Variants in C8orf74 observed in about 807,000 individuals in gnomAD.
C8orf74 encodes chromosome 8 open reading frame 74.
C8orf74 carries 29 observed loss-of-function variants against 22.2 expected under a neutral mutation model. The ratio of observed to expected loss-of-function variants is 1.31; its 90% CI spans 0.97 to 1.78. The LOEUF (loss-of-function observed/expected upper bound fraction) is 1.78, where lower values mean the gene tolerates loss of function less well. C8orf74 is among the 40% of genes most tolerant of loss of function. The probability of loss-of-function intolerance (pLI) is 0.00; values close to 1 mark genes in which losing one functional copy is unlikely to be tolerated. For synonymous variants in C8orf74, 255 were observed against 163.1 expected (o/e 1.56, Z -4.30); for missense variants, 515 against 369.9 (o/e 1.39, Z -3.22).
At chr8:10,678,048 A>T (rs1563155328) in intron 2 of C8orf74, among the ~76,000 whole-genome samples, 1 of 152,148 alleles carries the variant, frequency 6.6e-6, no homozygotes, top group African/African-American at 2.4e-5. Flanking sequence ...CTTTCGTATC[A>T]TCTGAAAGCG....
chr8:10,694,631 C>A (rs1216759252), intron 2 of C8orf74, among the ~76,000 whole-genome samples: 1 of 152,214 alleles, frequency 6.6e-6, no homozygotes, highest in Non-Finnish European at 1.5e-5. Context: ...AGATATTTAA[C>A]CTTTTATTTG....
Position 10,674,846 on chromosome 8 carries a change from G to A in C8orf74, c.241+8G>A, listed in dbSNP as rs191281265. 53 of 1,581,134 alleles carry A rather than the reference G, an allele frequency of 3.4e-5. No homozygotes were observed. The highest frequency in any genetic ancestry group is 2.2e-4 in the South Asian group (19 of 86,114). ...TGCTAAGGGAAACCAAAGGTATGGT[G>A]TGTCCAGGGCAGGAGTCAGCAGAGG... is the stretch of plus-strand genomic sequence containing the variant. On this transcript the variant is annotated splice_region_variant and intron_variant, in intron 2 of 3. Transcript: ENST00000304519.
chr8:10,677,301 T>G (rs1799053271), intron 2 of C8orf74, among the ~76,000 whole-genome samples: 1 of 152,200 alleles, frequency 6.6e-6, no homozygotes, highest in Non-Finnish European at 1.5e-5. Context: ...GTGTGGGCCC[T>G]GAGCATATTT....
rs1365523101 is a variant in C8orf74 at position 10,697,991 on chromosome 8, G to T, written c.634G>T (p.Val212Phe). 6.7e-7 allele frequency: 1 copy of T among 1,487,946 alleles called. No individual in the cohort carries two copies. Among genetic ancestry groups the T allele is most frequent in the East Asian group, 2.4e-5 (1 of 41,398 alleles). The allele number at this position is 1,487,946 out of a possible 1,614,324, so 92.2% of individuals were successfully genotyped here. The change falls in exon 3 of 4, where the codon GTC becomes TTC. Residue 212 changes from valine to phenylalanine, a missense_variant. Transcript: ENST00000304519. ...AAAAPAQPGQ[V>F]LERQELESLI... ...CGCCGCGCCTGCGCAGCCCGGCCAG[G>T]TCCTGGAGAGACAGGTGAGGCTCTG...
intron 2 of C8orf74, among the ~76,000 whole-genome samples, chr8:10,682,733 G>C (rs998341747): frequency 6.6e-6 from 1 of 152,180 alleles, no homozygotes; most frequent in Non-Finnish European, 1.5e-5. Context: ...GTAACACTGA[G>C]CAAGGCCACC....
chr8:10,694,917 C>CGGAT (rs1039042153), intron 2 of C8orf74, among the ~76,000 whole-genome samples: 2 of 150,444 alleles, frequency 1.3e-5, no homozygotes, highest in Non-Finnish European at 3.0e-5. Flanking sequence ...GATGGGTGGA[C>CGGAT]GGATGGATGG....
At chr8:10,679,444 C>G (rs1282665297) in intron 2 of C8orf74, among the ~76,000 whole-genome samples, 2 of 152,198 alleles carry the variant, frequency 1.3e-5, no homozygotes, top group Non-Finnish European at 2.9e-5. Context: ...CAGTTCTGCC[C>G]AACCCCAGCC....
rs1174023812 is a variant in C8orf74 at position 10,697,904 on chromosome 8, C to T, written c.547C>T (p.Leu183=). The T allele has an allele frequency of 6.2e-7, 1 of 1,607,334 alleles. No homozygotes were observed. Among genetic ancestry groups the T allele is most frequent in the Non-Finnish European group, 8.5e-7 (1 of 1,176,454 alleles). The change falls in exon 3 of 4, where the codon CTG becomes TTG. Residue 183 remains leucine (L), a synonymous_variant. Transcript: ENST00000304519. ...CGAGGCACAGAAGCGCGCCGACGTG[C>T]TGCTCCTGAAAGAGGCGCTGCGCCT... ...EAEAQKRADV[L]LLKEALRLER...
chr8:10,684,935 A>C (rs924763024), intron 2 of C8orf74, among the ~76,000 whole-genome samples: 3 of 152,150 alleles, frequency 2.0e-5, no homozygotes, highest in African/African-American at 7.2e-5. Context: ...GATAACGGAG[A>C]TAGCTCCTAA....
intron 2 of C8orf74, among the ~76,000 whole-genome samples, chr8:10,694,396 A>T (rs144647539): frequency 2.0e-5 from 3 of 152,150 alleles, no homozygotes; most frequent in Non-Finnish European, 4.4e-5. Context: ...GCCAAGGTTA[A>T]TGATGTACCT....
At chr8:10,694,774 G>A (rs1179492854) in intron 2 of C8orf74, among the ~76,000 whole-genome samples, 1 of 152,220 alleles carries the variant, frequency 6.6e-6, no homozygotes, top group East Asian at 1.9e-4. Context: ...ATGGAAGGAT[G>A]GGTGAATGGA....
At chr8:10,679,410 G>A (rs184274467) in intron 2 of C8orf74, among the ~76,000 whole-genome samples, 6 of 152,126 alleles carry the variant, frequency 3.9e-5, no homozygotes, top group Non-Finnish European at 7.4e-5. Context: ...TTCCTCCCTC[G>A]GCTTTGCTCA....
At chr8:10,695,493 A>G (rs537997377) in intron 2 of C8orf74, among the ~76,000 whole-genome samples, 1 of 152,164 alleles carries the variant, frequency 6.6e-6, no homozygotes, top group Admixed American at 6.5e-5. Context: ...CTCCCAGCAC[A>G]TCCTAACATG....
chr8:10,684,037 A>T (rs1799210480), intron 2 of C8orf74, among the ~76,000 whole-genome samples: 1 of 152,162 alleles, frequency 6.6e-6, no homozygotes, highest in African/African-American at 2.4e-5. Context: ...CTGCAGCAGG[A>T]CAGGAGCCCC....
At position 10,700,319 on chromosome 8, in the gene C8orf74, T is replaced by C. The variant is rs1421149650; in HGVS notation, c.733T>C (p.Phe245Leu). 1 of 1,613,758 alleles carries C rather than the reference T, an allele frequency of 6.2e-7. No individual in the cohort carries two copies. Among genetic ancestry groups the C allele is most frequent in the South Asian group, 1.1e-5 (1 of 91,058 alleles). The change falls in exon 4 of 4, where the codon TTC becomes CTC. Residue 245 changes from phenylalanine (F) to leucine (L), a missense_variant. Physicochemically the swap from Phe to Leu is conservative, Grantham distance 22. Coordinates refer to ENST00000304519, the MANE Select transcript of C8orf74 (RefSeq NM_001040032.2). ...ELLQRQIQNT[F>L]AILDLKLQKK... is the part of the protein sequence containing the mutation. ...GCTGCAGCGCCAGATCCAGAACACA[T>C]TCGCCATCTTGGACCTGAAGCTTCA...
chr8:10,687,380 T>A (rs1429840168), intron 2 of C8orf74: 11 of 274,700 alleles, frequency 4.0e-5, no homozygotes. Flanking sequence ...CTAGGCGCAA[T>A]GGCTAACACA....
chr8:10,674,825 A>T lies in C8orf74; in HGVS notation c.228A>T (p.Leu76=). The change falls in exon 2 of 4, where the codon CTA becomes CTT. Residue 76 remains leucine, a synonymous_variant. Coordinates refer to ENST00000304519, the MANE Select transcript of C8orf74 (RefSeq NM_001040032.2). ...AQVVKFTEEL[L]RETKGCSITE... ...TGGTCAAGTTCACAGAAGAGCTGCT[A>T]AGGGAAACCAAAGGTATGGTGTGTC... 1 of 1,600,586 alleles carries T rather than the reference A, an allele frequency of 6.2e-7. No homozygotes were observed. Among genetic ancestry groups the T allele is most frequent in the Non-Finnish European group, 8.5e-7 (1 of 1,173,668 alleles).
chr8:10,690,269 G>A (rs529360592), intron 2 of C8orf74, among the ~76,000 whole-genome samples: 1 of 152,262 alleles, frequency 6.6e-6, no homozygotes, highest in East Asian at 1.9e-4. Flanking sequence ...TGGGAGCTGG[G>A]AGACCGAGTG....
chr8:10,688,032 C>T (rs1012292240), intron 2 of C8orf74, among the ~76,000 whole-genome samples: 1 of 152,046 alleles, frequency 6.6e-6, no homozygotes, highest in Admixed American at 6.5e-5. Context: ...AAGGTGAAGT[C>T]TGTGTCTACT....
Sources: allele counts gnomAD v4.1 joint callset (sites outside exome capture counted in the v4.1 genomes callset), GRCh38; gene constraint gnomAD v4.1.1; transcripts MANE v1.5; gene names NCBI Gene and HGNC (gene_info 2026-07-23, HGNC 2026-07-21).